Variants in PRELID2 observed in about 807,000 individuals in gnomAD.
The protein encoded by PRELID2 is PRELI domain-containing protein 2.
PRELID2 carries 25 observed loss-of-function variants against 28.4 expected under a neutral mutation model. The ratio of observed to expected loss-of-function variants is 0.88; its 90% CI spans 0.64 to 1.23. The LOEUF (loss-of-function observed/expected upper bound fraction) is 1.23, where lower values mean the gene tolerates loss of function less well. PRELID2 is among the 50% of genes most tolerant of loss of function. The pLI is 0.00. For synonymous variants in PRELID2, 76 were observed against 71.6 expected (o/e 1.06, Z -0.31); for missense variants, 201 against 214.4 (o/e 0.94, Z 0.39).
chr5:145,477,664 A>G (rs369982484), intron 1 of PRELID2, among the ~76,000 whole-genome samples: 12 of 152,344 alleles, frequency 7.9e-5, no homozygotes, highest in East Asian at 1.9e-4. Context: ...AGAAGGTAAA[A>G]TCTACTATAT....
intron 1 of PRELID2, among the ~76,000 whole-genome samples, chr5:145,551,220 G>T (rs1752830953): frequency 6.6e-6 from 1 of 151,954 alleles, no homozygotes; most frequent in African/African-American, 2.4e-5. Flanking sequence ...GGCCAACATG[G>T]TGAAACCTTG....
At chr5:145,728,567 A>G in intron 1 of PRELID2, 2 of 842,362 alleles carry the variant, frequency 2.4e-6, no homozygotes, top group Non-Finnish European at 4.1e-6. Flanking sequence ...CCTGGAATGA[A>G]TTGTTGATCA....
the PRELID2 span, among the ~76,000 whole-genome samples, chr5:145,368,373 T>G: frequency 6.6e-6 from 1 of 151,980 alleles, no homozygotes; most frequent in Non-Finnish European, 1.5e-5. Flanking sequence ...TACACCTAAC[T>G]TCAGTTAATG....
chr5:145,830,293 T>G (rs1755496417), intron 1 of PRELID2, among the ~76,000 whole-genome samples: 1 of 152,212 alleles, frequency 6.6e-6, no homozygotes, highest in South Asian at 2.1e-4. Context: ...CTTCTGAAGG[T>G]AAGAAAAATC....
In PRELID2 at chr5:145,817,960, G is replaced by A. The variant is rs746756553; in HGVS notation, c.302C>T (p.Thr101Met). ...RNMAIRSHCL[T>M]WTQYASMKEE... ...CTTCATGGATGCATACTGTGTCCAC[G>A]TAAGGCAGTGACTCCGTATGGCCAT... Residue 101 changes from threonine to methionine, a missense_variant, in exon 4 of 7, where the codon ACG (threonine) becomes ATG (methionine). Coordinates refer to ENST00000683046, the MANE Select transcript of PRELID2 (RefSeq NM_205846.3). The A allele has an allele frequency of 2.2e-5, 35 of 1,605,638 alleles. No homozygotes were observed. The East Asian group carries it at 2.2e-4, about 10-fold the overall frequency.
At chr5:145,257,540 A>G in the PRELID2 span, among the ~76,000 whole-genome samples, 2 of 152,206 alleles carry the variant, frequency 1.3e-5, no homozygotes, top group Admixed American at 1.3e-4. Context: ...GACTCAAATT[A>G]TAAGTCGGAG....
chr5:145,639,843 C>T (rs1398180235), intron 1 of PRELID2, among the ~76,000 whole-genome samples: 1 of 152,138 alleles, frequency 6.6e-6, no homozygotes. Flanking sequence ...CAAAATACAA[C>T]TTCCCAGATT....
chr5:145,772,722 G>A lies in PRELID2; in HGVS notation c.475-7722C>T, dbSNP rs575501477. Among the ~76,000 whole-genome samples, 414 of 152,260 alleles carry A rather than the reference G, an allele frequency of 2.7e-3. 5 individuals are homozygous for A. Among genetic ancestry groups the A allele is most frequent in the Non-Finnish European group, 4.7e-3 (318 of 68,008 alleles). On this transcript the variant is annotated intron_variant, in intron 5 of 6. Coordinates refer to ENST00000683046, the MANE Select transcript of PRELID2 (RefSeq NM_205846.3). ...GGATTAAGTTTCCAACATGTGCCTT[G>A]GGGGGACACATTCAAACCATAGCAG...
the PRELID2 span, chr5:145,229,587 T>C: frequency 2.1e-6 from 3 of 1,433,762 alleles, no homozygotes; most frequent in Non-Finnish European, 1.9e-6. Context: ...CTGAACGAAG[T>C]TGCAGGCAAG....
chr5:145,513,086 A>C (rs1561497055), intron 1 of PRELID2, among the ~76,000 whole-genome samples: 1 of 152,074 alleles, frequency 6.6e-6, no homozygotes, highest in Non-Finnish European at 1.5e-5. Flanking sequence ...TTCTCCTCCA[A>C]AGGATCACGA....
intron 1 of PRELID2, among the ~76,000 whole-genome samples, chr5:145,487,619 C>CAT (rs1752229587): frequency 6.6e-6 from 1 of 151,998 alleles, no homozygotes; most frequent in South Asian, 2.1e-4. Flanking sequence ...CAGGACAGTC[C>CAT]ATCTTCTAAT....
chr5:145,459,285 T>C, the PRELID2 span, among the ~76,000 whole-genome samples: 1 of 152,232 alleles, frequency 6.6e-6, no homozygotes, highest in East Asian at 1.9e-4. Flanking sequence ...TTTCAAATTA[T>C]ACATTCTTTA....
chr5:145,481,636 A>AG (rs1325600239), intron 1 of PRELID2, among the ~76,000 whole-genome samples: 3 of 145,874 alleles, frequency 2.1e-5, no homozygotes, highest in Non-Finnish European at 4.5e-5. Flanking sequence ...AAAAAAAAAA[A>AG]AAAAAAAAAA....
At chr5:145,567,324 T>C (rs1290007312) in intron 1 of PRELID2, among the ~76,000 whole-genome samples, 1 of 151,640 alleles carries the variant, frequency 6.6e-6, no homozygotes, top group Admixed American at 6.6e-5. Context: ...CCCATGACAG[T>C]GAGTTATCAT....
At chr5:145,687,836 A>C (rs1403536467) in intron 1 of PRELID2, among the ~76,000 whole-genome samples, 1 of 152,216 alleles carries the variant, frequency 6.6e-6, no homozygotes, top group Non-Finnish European at 1.5e-5. Context: ...ACCTCATTTA[A>C]ATAAATAAAG....
the PRELID2 span, chr5:145,229,488 A>T: frequency 9.4e-7 from 1 of 1,063,976 alleles, no homozygotes; most frequent in Non-Finnish European, 1.4e-6. Flanking sequence ...GACATTCTCA[A>T]GATCCAATTC....
At chr5:145,638,288 A>T (rs1754037209) in intron 1 of PRELID2, among the ~76,000 whole-genome samples, 1 of 152,112 alleles carries the variant, frequency 6.6e-6, no homozygotes, top group East Asian at 1.9e-4. Flanking sequence ...CGGGCATTAC[A>T]ATATATTCTG....
At chr5:145,750,455 C>A (rs529075614) in intron 1 of PRELID2, among the ~76,000 whole-genome samples, 78 of 152,208 alleles carry the variant, frequency 5.1e-4, no homozygotes, top group African/African-American at 1.7e-3. Context: ...CCACATTATG[C>A]AATCCCTAAA....
At chr5:145,654,816 G>A (rs901061692) in intron 1 of PRELID2, among the ~76,000 whole-genome samples, 2 of 152,114 alleles carry the variant, frequency 1.3e-5, no homozygotes, top group African/African-American at 4.8e-5. Context: ...AAAACTGGAA[G>A]CATTCCCTTT....
Sources: allele counts gnomAD v4.1 joint callset (sites outside exome capture counted in the v4.1 genomes callset), GRCh38; gene constraint gnomAD v4.1.1; transcripts MANE v1.5; gene names NCBI Gene and HGNC (gene_info 2026-07-23, HGNC 2026-07-21).